DYNC2H1: variants seen among roughly 807,000 people sequenced by gnomAD.
The protein encoded by DYNC2H1 is dynein cytoplasmic 2 heavy chain 1.
In DYNC2H1, 410 loss-of-function variants were observed where a neutral mutation model predicts 570.0. The observed-to-expected ratio is 0.72, with a 90% CI of 0.66 to 0.78. The LOEUF (loss-of-function observed/expected upper bound fraction) is 0.78, where lower values mean the gene tolerates loss of function less well. DYNC2H1 is among the 30% of genes least tolerant of loss of function. DYNC2H1 has a pLI of 0.00. For synonymous variants in DYNC2H1, 1,688 were observed against 1,677.6 expected (o/e 1.01, Z -0.15); for missense variants, 4,865 against 5,046.4 (o/e 0.96, Z 1.09).
rs377390475 is a variant in DYNC2H1, at chr11:103,280,272, G to T, written c.10696-76G>T. On this transcript the variant is annotated intron_variant, in intron 70 of 88. Coordinates refer to ENST00000375735, the MANE Select transcript of DYNC2H1 (RefSeq NM_001377.3). The surrounding 1 kb of genome is among the most constrained non-coding windows in gnomAD (Gnocchi z 4.7). Reference sequence around the variant, plus strand: ...GAAGACAGAATAGAGATTTTTGTGTGCCAAATTTTAACGACTATGCTTTTC... The same window carrying T: ...GAAGACAGAATAGAGATTTTTGTGTTCCAAATTTTAACGACTATGCTTTTC... 2 of 1,433,232 alleles carry T rather than the reference G, an allele frequency of 1.4e-6. No homozygotes were observed. Among genetic ancestry groups the T allele is most frequent in the East Asian group, 2.5e-5 (1 of 40,092 alleles). The allele number at this position is 1,433,232 out of a possible 1,614,324, so 88.8% of individuals were successfully genotyped here. A position where few individuals can be genotyped will look rare whatever the true frequency, so the allele number is the denominator to read the frequency against.
At chr11:103,298,078 A>T (rs1195441597) in intron 75 of DYNC2H1, among the ~76,000 whole-genome samples, 1 of 152,138 alleles carries the variant, frequency 6.6e-6, no homozygotes, top group Non-Finnish European at 1.5e-5. Flanking sequence ...CTCTGCTCCA[A>T]GTCTTCTGAT....
intron 12 of DYNC2H1, among the ~76,000 whole-genome samples, 169 bp from the exon 13 acceptor site, chr11:103,128,741 G>C (rs972703567): frequency 6.6e-6 from 1 of 152,142 alleles, no homozygotes; most frequent in Non-Finnish European, 1.5e-5. Context: ...ACACTTACTT[G>C]TTGATTGTGT....
At chr11:103,111,295 T>C (rs1443154337) in intron 1 of DYNC2H1, among the ~76,000 whole-genome samples, 1 of 152,250 alleles carries the variant, frequency 6.6e-6, no homozygotes, top group Admixed American at 6.5e-5. Context: ...TAATCATAGC[T>C]AACATTTATT....
Position 103,334,399 on chromosome 11 carries a change from T to A in DYNC2H1, c.12039+10409T>A, listed in dbSNP as rs1186222784. Among the ~76,000 whole-genome samples, 1 of 152,164 alleles carries A rather than the reference T, an allele frequency of 6.6e-6. No homozygotes were observed. ...ATATCTGTTGTAAATCAATTATAAATTGTAAATCAATTGTAAATTGGATAA... is the reference window on the plus strand; with the variant it reads ...ATATCTGTTGTAAATCAATTATAAAATGTAAATCAATTGTAAATTGGATAA... On this transcript the variant is annotated intron_variant, in intron 82 of 88. Coordinates refer to ENST00000375735, the MANE Select transcript of DYNC2H1 (RefSeq NM_001377.3). The surrounding 1 kb of genome is among the most constrained non-coding windows in gnomAD (Gnocchi z 4.3).
intron 65 of DYNC2H1, among the ~76,000 whole-genome samples, chr11:103,248,403 A>G (rs1245202129): frequency 6.6e-6 from 1 of 152,092 alleles, no homozygotes; most frequent in Non-Finnish European, 1.5e-5. Context: ...TTGGACCTAT[A>G]AAGGTGTCCT....
In DYNC2H1 at chr11:103,435,813, A is replaced by C. The variant is rs556494149; in HGVS notation, c.12367-130A>C. The C allele has an allele frequency of 5.5e-6, 4 of 724,628 alleles. No individual in the cohort carries two copies. The East Asian group carries it at 8.2e-5, about 15-fold the overall frequency. The allele number at this position is 724,628 out of a possible 1,614,324, so 44.9% of individuals were successfully genotyped here. ...TGTCTCTACTGTTCAATTTAATGAG[A>C]TCAAACTTAATGAATTTCATATGTA... On this transcript the variant is annotated intron_variant, in intron 84 of 88. Transcript: ENST00000375735.
At chr11:103,235,249 T>C (rs1864177291) in intron 61 of DYNC2H1, among the ~76,000 whole-genome samples, 1 of 151,940 alleles carries the variant, frequency 6.6e-6, no homozygotes, top group South Asian at 2.1e-4. Flanking sequence ...TCCTTTAATA[T>C]AACTACTCTT....
chr11:103,156,791 CAT>C, intron 26 of DYNC2H1, 21 bp downstream of exon 26: 1 of 1,581,896 alleles, frequency 6.3e-7, no homozygotes, highest in Non-Finnish European at 8.5e-7. Context: ...TGATGTAAGA[CAT>C]AGACACATAT....
intron 84 of DYNC2H1, chr11:103,404,214 G>A (rs952812143): frequency 1.3e-5 from 2 of 151,826 alleles, no homozygotes; most frequent in African/African-American, 2.4e-5. Flanking sequence ...ACAAAGTTAT[G>A]TAATGATTTT....
Position 103,204,008 on chromosome 11 carries a change from G to A in DYNC2H1, c.8311+232G>A, listed in dbSNP as rs1430376159. Among the ~76,000 whole-genome samples the A allele has an allele frequency of 6.6e-6, 1 of 152,080 alleles. No individual in the cohort carries two copies. The highest frequency in any genetic ancestry group is 1.5e-5 in the Non-Finnish European group (1 of 68,018). ...ACCTGACACTGAGCAATTTACAAAAGAAAGAGGTTTATTGGACTCACAGTT... is the reference window on the plus strand; with the variant it reads ...ACCTGACACTGAGCAATTTACAAAAAAAAGAGGTTTATTGGACTCACAGTT... On this transcript the variant is annotated intron_variant, in intron 51 of 88. Coordinates refer to ENST00000375735, the MANE Select transcript of DYNC2H1 (RefSeq NM_001377.3). The surrounding 1 kb of genome is among the most constrained non-coding windows in gnomAD (Gnocchi z 4.1).
In DYNC2H1 at chr11:103,342,702, C is replaced by T. The variant is rs1939527570; in HGVS notation, c.12040-15541C>T. On this transcript the variant is annotated intron_variant, in intron 82 of 88. Coordinates refer to ENST00000375735, the MANE Select transcript of DYNC2H1 (RefSeq NM_001377.3). ...TGTATTTTTAGTAGAGATGGGGTTT[C>T]ACCATGTTAGCCAGGATGGTCTCGA... 2.6e-5 allele frequency among the ~76,000 whole-genome samples: 4 copies of T among 151,974 alleles called. 1 individual carries two copies. The highest frequency in any genetic ancestry group is 2.6e-4 in the Admixed American group (4 of 15,246).
At chr11:103,121,076 AT>A in intron 9 of DYNC2H1, 40 bp downstream of exon 9, 1 of 1,274,516 alleles carries the variant, frequency 7.8e-7, no homozygotes, top group South Asian at 1.7e-5. Flanking sequence ...TTGAGAGAAT[AT>A]TTTTGTATAT....
intron 88 of DYNC2H1, among the ~76,000 whole-genome samples, chr11:103,475,702 GACAA>G (rs1945527512): frequency 2.0e-5 from 3 of 152,116 alleles, no homozygotes; most frequent in Admixed American, 6.5e-5. Flanking sequence ...CTGGCTGTAA[GACAA>G]ACAAAGCCTA....
At chr11:103,393,886 C>T (rs773165136) in intron 83 of DYNC2H1, among the ~76,000 whole-genome samples, 1 of 152,180 alleles carries the variant, frequency 6.6e-6, no homozygotes, top group African/African-American at 2.4e-5. Flanking sequence ...TGGAGAACTC[C>T]TCTTTATAAG....
At chr11:103,215,118 C>G (rs1863329190) in intron 54 of DYNC2H1, among the ~76,000 whole-genome samples, 1 of 152,094 alleles carries the variant, frequency 6.6e-6, no homozygotes, top group Non-Finnish European at 1.5e-5. Flanking sequence ...TTGACTTCCT[C>G]TTTTCCAATT....
rs1864416725 is a variant in DYNC2H1 at position 103,241,381 on chromosome 11, C to A, written c.9820-2312C>A. On this transcript the variant is annotated intron_variant, in intron 63 of 88. Coordinates refer to ENST00000375735, the MANE Select transcript of DYNC2H1 (RefSeq NM_001377.3). This position sits in a 1 kb window ranked among gnomAD's most constrained non-coding sequence, Gnocchi z 5.1. Reference sequence around the variant, plus strand: ...TCATGGAATACAGAGATAAAATGTACCATAGAAATCTTATCTAAATCTGTC... The same window carrying A: ...TCATGGAATACAGAGATAAAATGTAACATAGAAATCTTATCTAAATCTGTC... 1 of 641,224 alleles carries A rather than the reference C, an allele frequency of 1.6e-6. No individual in the cohort carries two copies. The highest frequency in any genetic ancestry group is 1.8e-5 in the African/African-American group (1 of 54,198). The allele number at this position is 641,224 out of a possible 1,614,324, so 39.7% of individuals were successfully genotyped here.
At chr11:103,442,614 A>G (rs771133417) in intron 85 of DYNC2H1, among the ~76,000 whole-genome samples, 21 of 152,224 alleles carry the variant, frequency 1.4e-4, no homozygotes, top group Non-Finnish European at 2.9e-4. Context: ...GCAATCTTAC[A>G]AAACATGCTA....
intron 82 of DYNC2H1, among the ~76,000 whole-genome samples, chr11:103,348,018 ATTGCGAAG>A (rs1485452775): frequency 8.5e-5 from 13 of 152,304 alleles, no homozygotes; most frequent in Admixed American, 5.2e-4. Flanking sequence ...CGGGGGAGGG[ATTGCGAAG>A]TACTAAGAGG....
Position 103,181,883 on chromosome 11 carries a change from G to T in DYNC2H1, c.6474G>T (p.Lys2158Asn), listed in dbSNP as rs1174957683. ...YFEKALQWVL[K>N]QNDYVVETSL... is the part of the protein sequence containing the mutation. ...AAAAGGCTTTACAATGGGTTCTAAA[G>T]CAGGTAAATTAACCATAATATTTCA... Residue 2158 changes from lysine to asparagine, a missense_variant, in exon 40 of 89, where the codon AAG (lysine) becomes AAT (asparagine). Around this residue, in one of 5 missense-constraint regions of DYNC2H1, gnomAD observed 231 missense variants for 310.3 expected, o/e 0.74. Transcript: ENST00000375735. This position sits in a 1 kb window ranked among gnomAD's most constrained non-coding sequence, Gnocchi z 5.0. 1.2e-6 allele frequency: 2 copies of T among 1,603,608 alleles called. No homozygotes were observed. The highest frequency in any genetic ancestry group is 2.2e-5 in the South Asian group (2 of 89,388).
Sources: allele counts gnomAD v4.1 joint callset (sites outside exome capture counted in the v4.1 genomes callset), GRCh38; gene constraint gnomAD v4.1.1; regional missense constraint gnomAD v4.1.1; non-coding constraint Gnocchi (gnomAD v3.1); transcripts MANE v1.5; gene names NCBI Gene and HGNC (gene_info 2026-07-23, HGNC 2026-07-21).